GDAP1: variants seen among roughly 807,000 people sequenced by gnomAD.
GDAP1 encodes ganglioside induced differentiation associated protein 1.
A neutral mutation model predicts 40.1 loss-of-function variants in GDAP1; 34 were observed. That is an observed-to-expected ratio of 0.85 (90% CI 0.64 to 1.13). The LOEUF is 1.13. GDAP1 is among the 50% of genes most tolerant of loss of function. GDAP1 has a pLI of 0.00. For missense variants in GDAP1, 374 were observed against 433.7 expected (o/e 0.86, Z 1.22); for synonymous variants, 170 against 157.4 (o/e 1.08, Z -0.60).
At chr8:74,367,098 CA>C (rs71563287), downstream of GDAP1, 60 of 140,110 alleles carry the variant, frequency 4.3e-4, no homozygotes, top group South Asian at 2.4e-3. Context: ...ACTGATCTCT[CA>C]AAAAAAAAAA....
chr8:74,415,199 T>G (rs1408347461), intron 2 of GDAP1, among the ~76,000 whole-genome samples: 2 of 150,218 alleles, frequency 1.3e-5, no homozygotes, highest in Non-Finnish European at 2.9e-5. Flanking sequence ...AAACTTGATA[T>G]ATTAGGAATT....
chr8:74,468,484 CA>C (rs1806501936), intron 2 of GDAP1, among the ~76,000 whole-genome samples: 1 of 42,026 alleles, frequency 2.4e-5, no homozygotes, highest in Non-Finnish European at 5.1e-5. Context: ...CCCATACACA[CA>C]CACACACACA....
chr8:74,442,425 G>A (rs1486456349), intron 2 of GDAP1, among the ~76,000 whole-genome samples: 5 of 151,964 alleles, frequency 3.3e-5, no homozygotes. Context: ...CACTTTTTTT[G>A]TTCATTGTGT....
At chr8:74,360,812 T>C (rs1343103019) in intron 3 of GDAP1, among the ~76,000 whole-genome samples, 2 of 152,212 alleles carry the variant, frequency 1.3e-5, no homozygotes, top group Admixed American at 6.5e-5. Flanking sequence ...TCTGCCTTCC[T>C]CCTGTCATGA....
intron 2 of GDAP1, among the ~76,000 whole-genome samples, chr8:74,458,503 C>T (rs1021211654): frequency 2.6e-5 from 4 of 152,050 alleles, no homozygotes; most frequent in African/African-American, 9.7e-5. Context: ...TAAACAGGGT[C>T]CAAATGAGGA....
At chr8:74,450,229 T>C (rs995451422) in intron 2 of GDAP1, among the ~76,000 whole-genome samples, 3 of 151,834 alleles carry the variant, frequency 2.0e-5, no homozygotes, top group African/African-American at 7.2e-5. Flanking sequence ...TTTGGGCATT[T>C]ATTAAGATGT....
chr8:74,447,545 C>G (rs913967701), intron 2 of GDAP1, among the ~76,000 whole-genome samples: 1 of 152,080 alleles, frequency 6.6e-6, no homozygotes, highest in Non-Finnish European at 1.5e-5. Flanking sequence ...CATAGGCACA[C>G]AACACACAGT....
chr8:74,377,196 T>C (rs1809870262), intron 2 of GDAP1, among the ~76,000 whole-genome samples: 1 of 149,552 alleles, frequency 6.7e-6, no homozygotes, highest in African/African-American at 2.5e-5. Context: ...AATGATAAAT[T>C]AGATGTTATC....
chr8:74,455,544 T>C (rs1806326271), intron 2 of GDAP1, among the ~76,000 whole-genome samples: 1 of 151,996 alleles, frequency 6.6e-6, no homozygotes, highest in Admixed American at 6.6e-5. Context: ...CACATAATTA[T>C]TAGAAATATT....
At position 74,350,552 on chromosome 8, in the gene GDAP1, T is replaced by C; in HGVS notation, c.91T>C (p.Trp31Arg). The change falls in exon 1 of 6, where the codon TGG becomes CGG. Residue 31 changes from tryptophan (W) to arginine (R), a missense_variant. Transcript: ENST00000220822. ...DAEVKLILYH[W>R]THSFSSQKVR... is the part of the protein sequence containing the mutation. ...GGAGGTTAAGCTCATTCTGTACCAT[T>C]GGACGCATTCCTTCAGCTCTCAAAA... 6.2e-7 allele frequency: 1 copy of C among 1,609,408 alleles called. No homozygotes were observed. The highest frequency in any genetic ancestry group is 1.1e-5 in the South Asian group (1 of 90,996).
chr8:74,429,152 G>A (rs1167495535), intron 2 of GDAP1, among the ~76,000 whole-genome samples: 2 of 152,086 alleles, frequency 1.3e-5, no homozygotes, highest in South Asian at 2.1e-4. Flanking sequence ...CTTTGCTATT[G>A]TGAATAGTGC....
chr8:74,362,045 T>C (rs1809394612), intron 4 of GDAP1, 67 bp downstream of exon 4: 1 of 841,508 alleles, frequency 1.2e-6, no homozygotes, highest in Non-Finnish European at 2.1e-6. Context: ...TTTTGTAAAG[T>C]ACCACTATTT....
Position 74,365,328 on chromosome 8 carries a change from G to C in GDAP1, c.*961G>C, listed in dbSNP as rs886063110. The C allele has an allele frequency of 2.2e-6, 1 of 453,884 alleles. No homozygotes were observed. Among genetic ancestry groups the C allele is most frequent in the Non-Finnish European group, 4.4e-6 (1 of 226,802 alleles). The allele number at this position is 453,884 out of a possible 1,614,324, so 28.1% of individuals were successfully genotyped here. On this transcript the variant is annotated 3_prime_UTR_variant, in exon 6 of 6. Coordinates refer to ENST00000220822, the MANE Select transcript of GDAP1 (RefSeq NM_018972.4). ...TTAGAAAGGTCTAGTCTTAGCACTT[G>C]GCAGTTAATCTAGGGAAGATGAATT...
chr8:74,427,029 C>CA (rs1805956518), intron 2 of GDAP1, among the ~76,000 whole-genome samples: 5 of 152,172 alleles, frequency 3.3e-5, no homozygotes, highest in African/African-American at 1.2e-4. Context: ...CTTACATGGA[C>CA]TGTGGACTTG....
At chr8:74,381,480 G>T (rs1373714817) in intron 2 of GDAP1, among the ~76,000 whole-genome samples, 1 of 152,146 alleles carries the variant, frequency 6.6e-6, no homozygotes, top group African/African-American at 2.4e-5. Flanking sequence ...GTAGGGCTGG[G>T]TATGGTGGCT....
At chr8:74,428,183 A>T (rs773869193) in intron 2 of GDAP1, among the ~76,000 whole-genome samples, 1 of 152,146 alleles carries the variant, frequency 6.6e-6, no homozygotes, top group Non-Finnish European at 1.5e-5. Context: ...ACTTGAGGCC[A>T]GGAGCTCAAG....
intron 2 of GDAP1, among the ~76,000 whole-genome samples, chr8:74,372,705 T>A (rs1164060928): frequency 1.1e-4 from 16 of 152,220 alleles, no homozygotes; most frequent in South Asian, 6.2e-4. Flanking sequence ...ATTTTCTCCC[T>A]TTCTATAGGT....
chr8:74,366,880 C>T (rs1323339299), downstream of GDAP1: 2 of 406,382 alleles, frequency 4.9e-6, no homozygotes, highest in Non-Finnish European at 9.6e-6. Context: ...AAACAAAGTA[C>T]TCACTTTGTA....
chr8:74,386,617 G>A (rs1033939223), intron 2 of GDAP1, among the ~76,000 whole-genome samples: 7 of 152,236 alleles, frequency 4.6e-5, no homozygotes, highest in Admixed American at 1.3e-4. Context: ...GTCAGGTAGC[G>A]TGATGCCTCT....
Sources: allele counts gnomAD v4.1 joint callset (sites outside exome capture counted in the v4.1 genomes callset), GRCh38; gene constraint gnomAD v4.1.1; transcripts MANE v1.5; gene names NCBI Gene and HGNC (gene_info 2026-07-23, HGNC 2026-07-21).